CDH15: variants seen among roughly 807,000 people sequenced by gnomAD.
The protein encoded by CDH15 is cadherin-15.
A neutral mutation model predicts 69.4 loss-of-function variants in CDH15; 73 were observed. That is an observed-to-expected ratio of 1.05 (90% CI 0.87 to 1.28). CDH15 has a LOEUF of 1.28. Among genes scored for constraint, CDH15 ranks in the 50% most tolerant of loss-of-function variants. The probability of loss-of-function intolerance (pLI) is 0.00; values close to 1 mark genes in which losing one functional copy is unlikely to be tolerated. For missense variants in CDH15, 1,343 were observed against 1,133.6 expected, an observed-to-expected ratio of 1.18 and a Z score of -2.65; for synonymous variants, 624 against 507.7, an observed-to-expected ratio of 1.23 and a Z score of -3.08.
At chr16:89,172,041 C>T (rs1173514795) in intron 1 of CDH15, among the ~76,000 whole-genome samples, 168 bp downstream of exon 1, 7 of 151,994 alleles carry the variant, frequency 4.6e-5, no homozygotes, top group African/African-American at 1.4e-4. Flanking sequence ...GGGCAGCACC[C>T]CAGGGGTTGT....
In CDH15 at chr16:89,179,397, G is replaced by A. The variant is rs374284805; in HGVS notation, c.43-19G>A. On this transcript the variant is annotated intron_variant, in intron 1 of 13. Transcript: ENST00000289746. ...GCTCCAGGAGACGGTACTGTGGGAC[G>A]CATCTGTCTTTGTTGCAGAGCCTCT... 157 of 1,613,190 alleles carry A rather than the reference G, an allele frequency of 9.7e-5. No individual in the cohort carries two copies. The African/African-American group carries it at 1.3e-3, about 14-fold the overall frequency.
chr16:89,188,957 C>T (rs538883412), intron 7 of CDH15, among the ~76,000 whole-genome samples: 18 of 129,360 alleles, frequency 1.4e-4, no homozygotes, highest in South Asian at 2.7e-4. Flanking sequence ...GTCCACACAC[C>T]GATGCTGGCA....
intron 3 of CDH15, among the ~76,000 whole-genome samples, chr16:89,182,393 C>T (rs1915399801): frequency 6.6e-6 from 1 of 150,728 alleles, no homozygotes; most frequent in East Asian, 1.9e-4. Flanking sequence ...GTAATCCGAG[C>T]ACTTTGGGAG....
rs759475457 is a variant in CDH15 at position 89,192,429 on chromosome 16, G to A, written c.1840G>A (p.Ala614Thr). 4 of 1,554,396 alleles carry A rather than the reference G, an allele frequency of 2.6e-6. No homozygotes were observed. In the South Asian group the frequency reaches 4.7e-5, roughly 18 times the overall value. The change falls in exon 11 of 14, where the codon GCC becomes ACC. Residue 614 changes from alanine (A) to threonine (T), a missense_variant. Physicochemically the swap from Ala to Thr is moderately conservative, Grantham distance 58 (BLOSUM62 0). Coordinates refer to ENST00000289746, the MANE Select transcript of CDH15 (RefSeq NM_004933.3). Reference protein sequence around the residue: ...LGALVIVLASALLLLVLVLLV... With the variant: ...LGALVIVLASTLLLLVLVLLV... ...CGCACTGGTCATCGTGCTGGCCAGC[G>A]CCCTCCTGCTGCTGGGTGAGTGAGC...
chr16:89,192,196 C>T lies in CDH15; in HGVS notation c.1616-9C>T, dbSNP rs1220320524. The T allele has an allele frequency of 2.0e-6, 3 of 1,528,560 alleles. No homozygotes were observed. Among genetic ancestry groups the T allele is most frequent in the Non-Finnish European group, 2.6e-6 (3 of 1,144,140 alleles). 94.7% of individuals were successfully genotyped at this position (1,528,560 alleles called of 1,614,324 possible). A position where few individuals can be genotyped will look rare whatever the true frequency, so the allele number is the denominator to read the frequency against. On this transcript the variant is annotated splice_polypyrimidine_tract_variant and intron_variant, in intron 10 of 13. Coordinates refer to ENST00000289746, the MANE Select transcript of CDH15 (RefSeq NM_004933.3). ...GGAGGCCCTCGCTCACCACAGGCGC[C>T]CTCCGCAGTGAGCCACGCGCGCCTG...
chr16:89,190,206 C>T (rs553636577), intron 7 of CDH15, 37 bp from the exon 8 acceptor site: 25 of 1,604,654 alleles, frequency 1.6e-5, no homozygotes, highest in African/African-American at 4.0e-5. Flanking sequence ...CCCACACTTG[C>T]GTTGGGCGGA....
At position 89,183,580 on chromosome 16, in the gene CDH15, C is replaced by T. The variant is rs1402683119; in HGVS notation, c.390C>T (p.Ser130=). 1 of 1,614,162 alleles carries T rather than the reference C, an allele frequency of 6.2e-7. No individual in the cohort carries two copies. The highest frequency in any genetic ancestry group is 1.7e-5 in the Admixed American group (1 of 60,024). ...CGTTTGCCCTGGACCTGGGAGGATC[C>T]ACCCTGGAGGACCCCACGGACCTGG... ...LRAFALDLGG[S]TLEDPTDLEI... is the part of the protein sequence containing the mutation. Residue 130 remains serine (S), a synonymous_variant, in exon 4 of 14, where the codon TCC becomes TCT. Coordinates refer to ENST00000289746, the MANE Select transcript of CDH15 (RefSeq NM_004933.3).
intron 11 of CDH15, 111 bp from the exon 12 acceptor site, chr16:89,193,359 C>CAGCTTACCAGCCA: frequency 4.7e-6 from 3 of 633,772 alleles, no homozygotes; most frequent in Non-Finnish European, 5.1e-6. Context: ...AACCCCACCC[C>CAGCTTACCAGCCA]TGCTTACCAG....
Position 89,191,875 on chromosome 16 carries a change from G to T in CDH15, c.1596G>T (p.Trp532Cys). Residue 532 changes from tryptophan to cysteine, a missense_variant, in exon 10 of 14, where the codon TGG (tryptophan) becomes TGT (cysteine). Coordinates refer to ENST00000289746, the MANE Select transcript of CDH15 (RefSeq NM_004933.3). ...SPRLPELGRN[W>C]SLSQVNVSHA... ...GGCTCCCAGAGCTCGGCCGGAACTG[G>T]AGCCTCAGCCAGGTCAACGGTGCGC... 1 of 1,587,916 alleles carries T rather than the reference G, an allele frequency of 6.3e-7. No individual in the cohort carries two copies.
In CDH15 at chr16:89,191,488, G is replaced by A. The variant is rs569843872; in HGVS notation, c.1375+16G>A. On this transcript the variant is annotated intron_variant, in intron 9 of 13. Coordinates refer to ENST00000289746, the MANE Select transcript of CDH15 (RefSeq NM_004933.3). ...CAGGATGACGGTGAGCGGCGCCGCC[G>A]GCTTGGGGCTCCCTGACCTGGCCTT... 38 of 1,611,140 alleles carry A rather than the reference G, an allele frequency of 2.4e-5. No individual in the cohort carries two copies. The highest frequency in any genetic ancestry group is 8.3e-5 in the Admixed American group (5 of 59,970).
At chr16:89,181,717 A>G (rs560006955) in intron 3 of CDH15, among the ~76,000 whole-genome samples, 4 of 152,128 alleles carry the variant, frequency 2.6e-5, no homozygotes, top group African/African-American at 9.6e-5. Context: ...AGGCAGGCAG[A>G]TCATGAGGTC....
Position 89,188,221 on chromosome 16 carries a change from C to T in CDH15, c.914C>T (p.Pro305Leu), listed in dbSNP as rs1915533678. 6.2e-6 allele frequency: 10 copies of T among 1,613,516 alleles called. No homozygotes were observed. Among genetic ancestry groups the T allele is most frequent in the Non-Finnish European group, 8.5e-6 (10 of 1,179,918 alleles). Residue 305 changes from proline to leucine, a missense_variant, in exon 7 of 14, where the codon CCC (proline) becomes CTC (leucine). Transcript: ENST00000289746. ...VARFTILEGD[P>L]DGQFTIRTDP... ...AGGTTCACCATCCTGGAAGGCGACCCCGATGGGCAGTTCACCATCCGCACG... is the reference window on the plus strand; with the variant it reads ...AGGTTCACCATCCTGGAAGGCGACCTCGATGGGCAGTTCACCATCCGCACG...
At chr16:89,194,030 C>T (rs1370812388) in intron 13 of CDH15, 117 bp downstream of exon 13, 6 of 1,160,170 alleles carry the variant, frequency 5.2e-6, no homozygotes, top group Admixed American at 2.0e-5. Context: ...ACTTATGGGC[C>T]GTCCCAGAGC....
At chr16:89,183,167 A>C in intron 3 of CDH15, 1 of 195,942 alleles carries the variant, frequency 5.1e-6, no homozygotes, top group Non-Finnish European at 1.1e-5. Flanking sequence ...GGGCAACAAG[A>C]GTGAAACTCT....
chr16:89,191,140 TGTG>T (rs544888438), intron 8 of CDH15, among the ~76,000 whole-genome samples, 187 bp from the exon 9 acceptor site: 38 of 151,480 alleles, frequency 2.5e-4, no homozygotes, highest in African/African-American at 8.5e-4. Flanking sequence ...TGTATGTGTA[TGTG>T]GTGTGTGCAT....
At chr16:89,183,733 G>T in intron 4 of CDH15, 41 bp downstream of exon 4, 1 of 1,557,064 alleles carries the variant, frequency 6.4e-7, no homozygotes, top group African/African-American at 1.4e-5. Context: ...GGGGCTGCAA[G>T]GAAGGGCTCT....
chr16:89,191,939 C>G, intron 10 of CDH15, 45 bp downstream of exon 10: 2 of 1,497,800 alleles, frequency 1.3e-6, no homozygotes, highest in Non-Finnish European at 9.0e-7. Context: ...CCACGCTCCC[C>G]CCACCCCCAC....
chr16:89,173,948 C>T (rs1915207574), intron 1 of CDH15, among the ~76,000 whole-genome samples: 1 of 152,228 alleles, frequency 6.6e-6, no homozygotes, highest in Non-Finnish European at 1.5e-5. Context: ...GGAAGGTCCC[C>T]ACTTCTGCAT....
intron 5 of CDH15, chr16:89,185,628 C>T (rs376644155): frequency 2.5e-4 from 125 of 502,822 alleles, no homozygotes; most frequent in Non-Finnish European, 3.1e-4. Flanking sequence ...AACGGCTCCC[C>T]GCTGGTAAGT....
Sources: gnomAD v4.1 joint callset for allele counts (sites outside exome capture counted in the v4.1 genomes callset) on GRCh38, gnomAD v4.1.1 for gene constraint, MANE v1.5 for transcripts, NCBI Gene and HGNC (gene_info 2026-07-23, HGNC 2026-07-21) for gene names.